ZNF605: variants seen among roughly 807,000 people sequenced by gnomAD.
ZNF605 encodes the protein zinc finger protein 605.
ZNF605 carries 9 observed loss-of-function variants against 7.9 expected under a neutral mutation model. The ratio of observed to expected loss-of-function variants is 1.14; its 90% CI spans 0.68 to 1.98. The LOEUF is 1.98. Ranked by LOEUF, ZNF605 falls within the 30% of genes most tolerant of loss-of-function variation. ZNF605 has a pLI of 0.00. For synonymous variants in ZNF605, 255 were observed against 260.1 expected, an observed-to-expected ratio of 0.98 and a Z score of 0.19; for missense variants, 673 against 762.4, an observed-to-expected ratio of 0.88 and a Z score of 1.38.
chr12:132,932,188 T>A (rs1952314927), intron 4 of ZNF605, among the ~76,000 whole-genome samples: 1 of 152,136 alleles, frequency 6.6e-6, no homozygotes, highest in African/African-American at 2.4e-5. Flanking sequence ...TAAGTGACTG[T>A]CGTGCCCTGC....
Position 132,933,112 on chromosome 12 carries a change from C to T in ZNF605, c.59G>A (p.Trp20Ter). 6.2e-7 allele frequency: 1 copy of T among 1,611,834 alleles called. No individual in the cohort carries two copies. The highest frequency in any genetic ancestry group is 1.7e-5 in the Admixed American group (1 of 59,914). ...CTTCTGAGTAGGATTAAGTAGCTGC[C>T]ATTCCTCCAGCGTGAAATCCACAGC... is the stretch of plus-strand genomic sequence containing the variant. ...DVAVDFTLEE[W>*]QLLNPTQKNL... Residue 20 changes from tryptophan to a stop codon, truncating the protein, a stop_gained, in exon 4 of 5, where the codon TGG (tryptophan) becomes TAG (stop). Coordinates refer to ENST00000360187, the MANE Select transcript of ZNF605 (RefSeq NM_183238.4). LOFTEE classifies it high-confidence loss of function. This position sits in a 1 kb window ranked among gnomAD's most constrained non-coding sequence, Gnocchi z 4.4.
chr12:132,949,767 G>A (rs1952537681), intron 1 of ZNF605, among the ~76,000 whole-genome samples: 1 of 152,150 alleles, frequency 6.6e-6, no homozygotes, highest in African/African-American at 2.4e-5. Context: ...TCTGGATTCT[G>A]ACCCAAACCG....
At chr12:132,946,926 G>A (rs1373043510) in intron 2 of ZNF605, among the ~76,000 whole-genome samples, 1 of 152,210 alleles carries the variant, frequency 6.6e-6, no homozygotes, top group Non-Finnish European at 1.5e-5. Flanking sequence ...TCACAGGCCT[G>A]GAAGGGCAAA....
chr12:132,939,039 A>T (rs375696986), intron 3 of ZNF605, among the ~76,000 whole-genome samples: 2 of 150,618 alleles, frequency 1.3e-5, no homozygotes, highest in African/African-American at 2.4e-5. Context: ...CCTCCCACCC[A>T]CTCCATGGGC....
chr12:132,927,712 A>G (rs1228902615), intron 4 of ZNF605, among the ~76,000 whole-genome samples: 1 of 150,808 alleles, frequency 6.6e-6, no homozygotes, highest in African/African-American at 2.4e-5. Flanking sequence ...GCTGGAGTGC[A>G]GTGGTGCGAT....
chr12:132,945,357 C>A (rs1952485106), intron 3 of ZNF605: 1 of 1,228,842 alleles, frequency 8.1e-7, no homozygotes, highest in Admixed American at 1.7e-5. Flanking sequence ...GTATTTAGAC[C>A]CTTCTGTGTG....
At chr12:132,927,947 G>A (rs1482780646) in intron 4 of ZNF605, among the ~76,000 whole-genome samples, 3 of 152,086 alleles carry the variant, frequency 2.0e-5, no homozygotes, top group Non-Finnish European at 2.9e-5. Context: ...GAGCCACCAC[G>A]CCTGGCTAAA....
intron 1 of ZNF605, among the ~76,000 whole-genome samples, chr12:132,949,090 A>T (rs77697937): frequency 1.1e-4 from 5 of 45,528 alleles, no homozygotes; most frequent in Non-Finnish European, 2.4e-4. Flanking sequence ...GTGGAAAGCC[A>T]CAAGAGGCCT....
chr12:132,935,909 A>AT (rs1952360361), intron 3 of ZNF605, among the ~76,000 whole-genome samples: 1 of 146,470 alleles, frequency 6.8e-6, no homozygotes, highest in Non-Finnish European at 1.5e-5. Context: ...AAAAAAAAAA[A>AT]AATTAGCCGG....
Position 132,933,273 on chromosome 12 carries a change from G to A in ZNF605, c.16-118C>T. 8.6e-7 allele frequency: 1 copy of A among 1,168,950 alleles called. No individual in the cohort carries two copies. The highest frequency in any genetic ancestry group is 1.2e-6 in the Non-Finnish European group (1 of 847,908). 72.4% of individuals were successfully genotyped at this position (1,168,950 alleles called of 1,614,324 possible). ...ATGGCCCCAGTGACCTCTGACTCCG[G>A]TATTCATGCTTTTGCATAATCCTCC... is the stretch of plus-strand genomic sequence containing the variant. On this transcript the variant is annotated intron_variant, in intron 3 of 4. Coordinates refer to ENST00000360187, the MANE Select transcript of ZNF605 (RefSeq NM_183238.4). This position sits in a 1 kb window ranked among gnomAD's most constrained non-coding sequence, Gnocchi z 4.4.
rs1952245490 is a variant in ZNF605 at position 132,926,212 on chromosome 12, T to TG, written c.1086_1087insC (p.Lys363GlnfsTer10). 3.7e-6 allele frequency: 6 copies of TG among 1,614,082 alleles called. No homozygotes were observed. The Admixed American group carries it at 1.0e-4, about 27-fold the overall frequency. ...CCACATTCGTTGCATTCGTAGGGCT[T>TG]CTCTCCTGTATGAATCCTCTGATGC... On this transcript the variant is annotated frameshift_variant, in exon 5 of 5. Transcript: ENST00000360187. LOFTEE classifies it low-confidence loss of function (END_TRUNC).
In ZNF605 at chr12:132,945,897, G is replaced by T. The variant is rs112480209; in HGVS notation, c.-162-100C>A. 2,593 of 608,758 alleles carry T rather than the reference G, an allele frequency of 4.3e-3. 26 individuals are homozygous for T. Among genetic ancestry groups the T allele is most frequent in the African/African-American group, 0.032 (1,722 of 54,098 alleles). 37.7% of individuals were successfully genotyped at this position (608,758 alleles called of 1,614,324 possible). A position where few individuals can be genotyped will look rare whatever the true frequency, so the allele number is the denominator to read the frequency against. ...GGGAGCTCAGATTATTTAAAGTCTCGAACTAGATGTTGGGTAGGCTCACAC... is the reference window on the plus strand; with the variant it reads ...GGGAGCTCAGATTATTTAAAGTCTCTAACTAGATGTTGGGTAGGCTCACAC... On this transcript the variant is annotated intron_variant, in intron 2 of 4. Coordinates refer to ENST00000360187, the MANE Select transcript of ZNF605 (RefSeq NM_183238.4).
intron 1 of ZNF605, among the ~76,000 whole-genome samples, chr12:132,955,355 C>A (rs1364860100): frequency 1.3e-5 from 2 of 152,156 alleles, no homozygotes; most frequent in Non-Finnish European, 2.9e-5. Flanking sequence ...TTGGCTCAGG[C>A]TGGGGATGGG....
Position 132,925,613 on chromosome 12 carries a change from T to A in ZNF605, c.1686A>T (p.Gly562=). The A allele has an allele frequency of 6.2e-7, 1 of 1,614,192 alleles. No individual in the cohort carries two copies. Residue 562 remains glycine, a synonymous_variant, in exon 5 of 5, where the codon GGA becomes GGT. Transcript: ENST00000360187. ...QRNHTGEKTY[G]CSDCAKAFFE... is the part of the protein sequence containing the mutation. ...AGAAAGCTTTTGCACAATCGCTGCATCCATAGGTTTTCTCTCCTGTGTGAT... is the reference window on the plus strand; with the variant it reads ...AGAAAGCTTTTGCACAATCGCTGCAACCATAGGTTTTCTCTCCTGTGTGAT...
intron 1 of ZNF605, among the ~76,000 whole-genome samples, chr12:132,950,739 T>C (rs1005391611): frequency 6.6e-6 from 1 of 150,678 alleles, no homozygotes; most frequent in African/African-American, 2.4e-5. Context: ...CACACAGACA[T>C]GTACAGACAT....
chr12:132,947,498 A>G (rs112468104), intron 2 of ZNF605, among the ~76,000 whole-genome samples: 41,093 of 151,846 alleles, frequency 0.27, 6,165 homozygotes, highest in African/African-American at 0.41. Flanking sequence ...TTTTTTGTAG[A>G]GACGGGGTTT....
chr12:132,937,626 T>G (rs1200820221), intron 3 of ZNF605, among the ~76,000 whole-genome samples: 1 of 152,170 alleles, frequency 6.6e-6, no homozygotes, highest in Admixed American at 6.5e-5. Context: ...TTTGAAAACA[T>G]TTTGGCAGTT....
rs1206077120 is a variant in ZNF605 at position 132,919,839 on chromosome 12, CCT to C, written c.*5532_*5533del. The C allele has an allele frequency of 6.6e-6, 1 of 151,904 alleles. No individual in the cohort carries two copies. Among genetic ancestry groups the C allele is most frequent in the African/African-American group, 2.4e-5 (1 of 41,284 alleles). 9.4% of individuals were successfully genotyped at this position (151,904 alleles called of 1,614,324 possible). ...GTATCACTAAATAAGTTTGGTGTTC[CCT>C]GTTTTTTTGTGTGTGTGTGTGATGG... On this transcript the variant is annotated 3_prime_UTR_variant, in exon 5 of 5. Coordinates refer to ENST00000360187, the MANE Select transcript of ZNF605 (RefSeq NM_183238.4).
rs1335518733 is a variant in ZNF605, at chr12:132,939,284, CCT to C, written c.16-6131_16-6130del. Among the ~76,000 whole-genome samples the C allele has an allele frequency of 3.5e-3, 538 of 152,308 alleles. 4 individuals are homozygous for C. The highest frequency in any genetic ancestry group is 0.012 in the African/African-American group (516 of 41,568). On this transcript the variant is annotated intron_variant, in intron 3 of 4. Coordinates refer to ENST00000360187, the MANE Select transcript of ZNF605 (RefSeq NM_183238.4). Reference sequence around the variant, plus strand: ...GGATTGTAAATACACCAATCAGCACCCTGTGTTTAGCTCAAGGTTTGTGAGTG... The same window carrying C: ...GGATTGTAAATACACCAATCAGCACCGTGTTTAGCTCAAGGTTTGTGAGTG...
Sources: allele counts gnomAD v4.1 joint callset (sites outside exome capture counted in the v4.1 genomes callset), GRCh38; gene constraint gnomAD v4.1.1; non-coding constraint Gnocchi (gnomAD v3.1); transcripts MANE v1.5; gene names NCBI Gene and HGNC (gene_info 2026-07-23, HGNC 2026-07-21).